FAM234A: variants seen among roughly 807,000 people sequenced by gnomAD.
FAM234A encodes the protein protein FAM234A.
Under a neutral mutation model 49.1 loss-of-function variants are expected in FAM234A, and 42 were observed. The ratio of observed to expected loss-of-function variants is 0.86; its 90% CI spans 0.67 to 1.11. The LOEUF (loss-of-function observed/expected upper bound fraction) is 1.11. FAM234A is among the 50% of genes least tolerant of loss of function. FAM234A has a pLI of 0.00. For synonymous variants in FAM234A, 369 were observed against 316.2 expected (o/e 1.17, Z -1.77); for missense variants, 815 against 745.2 (o/e 1.09, Z -1.09).
downstream of FAM234A, chr16:268,792 A>G (rs2051785939): frequency 1.9e-6 from 3 of 1,550,150 alleles, no homozygotes; most frequent in Non-Finnish European, 2.6e-6. Flanking sequence ...ACTGGGCGAC[A>G]GCGGAGAGGC....
At chr16:267,127 C>T (rs528410045), downstream of FAM234A, among the ~76,000 whole-genome samples, 1 of 152,108 alleles carries the variant, frequency 6.6e-6, no homozygotes, top group African/African-American at 2.4e-5. Context: ...CACTGCGGGC[C>T]CTAGAGAGTC....
downstream of FAM234A, among the ~76,000 whole-genome samples, chr16:266,362 C>T (rs371565984): frequency 5.3e-5 from 8 of 152,328 alleles, no homozygotes; most frequent in South Asian, 4.1e-4. Flanking sequence ...CCCATGCAAG[C>T]GGGTGTGCTC....
intron 5 of FAM234A, 46 bp downstream of exon 5, chr16:260,206 G>C: frequency 2.6e-6 from 4 of 1,565,096 alleles, no homozygotes; most frequent in Non-Finnish European, 3.5e-6. Flanking sequence ...CCTCTCACCT[G>C]AGCCACCTCA....
rs1469223123 is a variant in FAM234A at position 263,692 on chromosome 16, T to C, written c.1113-8T>C. ...CCCCTCGTGAGCGCTTCCTCCATAT[T>C]GTTCCAGAAAACCCATCTTCGGCCG... On this transcript the variant is annotated splice_region_variant and splice_polypyrimidine_tract_variant and intron_variant, in intron 9 of 12. Transcript: ENST00000399932. 7 of 1,611,736 alleles carry C rather than the reference T, an allele frequency of 4.3e-6. No homozygotes were observed. Among genetic ancestry groups the C allele is most frequent in the Non-Finnish European group, 5.9e-6 (7 of 1,177,882 alleles).
At chr16:244,318 A>G (rs2050727407) in intron 1 of FAM234A, among the ~76,000 whole-genome samples, 1 of 152,304 alleles carries the variant, frequency 6.6e-6, no homozygotes, top group East Asian at 1.9e-4. Context: ...TTATTTTGTA[A>G]TGGAGAATTG....
At chr16:269,048 C>G (rs1285829850), downstream of FAM234A, 1 of 1,145,302 alleles carries the variant, frequency 8.7e-7, no homozygotes, top group Non-Finnish European at 1.3e-6. Flanking sequence ...AATGAACCCC[C>G]TCCCTGGGAA....
chr16:243,802 T>A (rs1424426017), intron 1 of FAM234A, among the ~76,000 whole-genome samples: 1 of 152,146 alleles, frequency 6.6e-6, no homozygotes, highest in Non-Finnish European at 1.5e-5. Flanking sequence ...GTGCAGAGGC[T>A]GTATAGCAGT....
At chr16:264,370 C>T (rs2051608668) in intron 11 of FAM234A, among the ~76,000 whole-genome samples, 199 bp downstream of exon 11, 1 of 152,208 alleles carries the variant, frequency 6.6e-6, no homozygotes, top group African/African-American at 2.4e-5. Context: ...GGGCTGATGG[C>T]CTTCGGTGGA....
Position 262,548 on chromosome 16 carries a change from C to A in FAM234A, c.966C>A (p.Ser322=), listed in dbSNP as rs1204120188. ...MLNATTRRML[S]HSSGAVRYLM... ...ATGCCACCACCCGCAGGATGCTTTC[C>A]CACAGGTGGGTCCGGGCCGCAGCCT... Residue 322 remains serine (S), a synonymous_variant, in exon 8 of 13, where the codon TCC becomes TCA. Transcript: ENST00000399932. 1 of 1,602,906 alleles carries A rather than the reference C, an allele frequency of 6.2e-7. No homozygotes were observed. The highest frequency in any genetic ancestry group is 1.1e-5 in the South Asian group (1 of 89,900).
intron 2 of FAM234A, among the ~76,000 whole-genome samples, chr16:253,088 C>T (rs1054312957): frequency 2.6e-5 from 4 of 152,318 alleles, no homozygotes; most frequent in East Asian, 3.9e-4. Flanking sequence ...TTTATACAGT[C>T]GAAGCAGCTC....
At chr16:235,505 A>G (rs2050368416) in intron 1 of FAM234A, among the ~76,000 whole-genome samples, 1 of 152,152 alleles carries the variant, frequency 6.6e-6, no homozygotes, top group Non-Finnish European at 1.5e-5. Flanking sequence ...GAGAGTTGTC[A>G]AGGAGAGAGT....
rs1186807632 is a variant in FAM234A, at chr16:249,833, C to T, written c.-34+179C>T. ...GAATTTCTTGGCTGCAATTTTAAAGCTCTTAAGTTTAAAGCCGTAAAGATA... is the reference window on the plus strand; with the variant it reads ...GAATTTCTTGGCTGCAATTTTAAAGTTCTTAAGTTTAAAGCCGTAAAGATA... On this transcript the variant is annotated intron_variant, in intron 2 of 12. Coordinates refer to ENST00000399932, the MANE Select transcript of FAM234A (RefSeq NM_032039.4). 2.6e-5 allele frequency among the ~76,000 whole-genome samples: 4 copies of T among 152,064 alleles called. No individual in the cohort carries two copies. In the East Asian group the frequency reaches 5.8e-4, roughly 22 times the overall value.
intron 1 of FAM234A, among the ~76,000 whole-genome samples, chr16:248,057 T>C (rs1287045449): frequency 6.6e-6 from 1 of 152,070 alleles, no homozygotes; most frequent in African/African-American, 2.4e-5. Context: ...GGGCTTTGCC[T>C]TCTGAAGCCT....
In FAM234A at chr16:265,890, C is replaced by G. The variant is rs1200050756; in HGVS notation, c.*868C>G. On this transcript the variant is annotated 3_prime_UTR_variant, in exon 13 of 13. Coordinates refer to ENST00000399932, the MANE Select transcript of FAM234A (RefSeq NM_032039.4). Reference sequence around the variant, plus strand: ...GGCATGGCAAGCGCCTGCCTCTCCCCTTCCGGTGCTCACACGCCCACGCCG... The same window carrying G: ...GGCATGGCAAGCGCCTGCCTCTCCCGTTCCGGTGCTCACACGCCCACGCCG... 2 of 986,346 alleles carry G rather than the reference C, an allele frequency of 2.0e-6. No individual in the cohort carries two copies. The highest frequency in any genetic ancestry group is 2.3e-4 in the East Asian group (2 of 8,832). The allele number at this position is 986,346 out of a possible 1,614,324, so 61.1% of individuals were successfully genotyped here.
At chr16:266,657 A>G (rs2051701601), downstream of FAM234A, among the ~76,000 whole-genome samples, 1 of 152,178 alleles carries the variant, frequency 6.6e-6, no homozygotes, top group Non-Finnish European at 1.5e-5. Flanking sequence ...TGCTCCTTCC[A>G]AGGCGTGGTA....
chr16:254,300 C>T (rs2051139009), intron 2 of FAM234A, 81 bp from the exon 3 acceptor site: 5 of 1,201,172 alleles, frequency 4.2e-6, no homozygotes, highest in African/African-American at 1.5e-5. Flanking sequence ...CCCAAGAAGC[C>T]GACGCCAGCA....
At position 237,078 on chromosome 16, in the gene FAM234A, TAA is replaced by T. The variant is rs199754290; in HGVS notation, c.-140+2227_-140+2228del. The stretch of plus-strand genomic sequence containing the variant: ...CTGTTTATTTATTTATGTATTTTTT[TAA>T]AAAAATATGTAGATGGGTTCTCACT... On this transcript the variant is annotated intron_variant, in intron 1 of 12. Coordinates refer to ENST00000399932, the MANE Select transcript of FAM234A (RefSeq NM_032039.4). Among the ~76,000 whole-genome samples, 886 of 151,468 alleles carry T rather than the reference TAA, an allele frequency of 5.8e-3. 6 individuals carry two copies. Among genetic ancestry groups the T allele is most frequent in the African/African-American group, 0.019 (774 of 41,284 alleles).
intron 3 of FAM234A, among the ~76,000 whole-genome samples, chr16:257,969 T>G (rs2051302881): frequency 6.6e-6 from 1 of 152,104 alleles, no homozygotes; most frequent in Non-Finnish European, 1.5e-5. Flanking sequence ...GCGATTCTCC[T>G]GCCTTAGCCT....
At chr16:264,321 A>T in intron 11 of FAM234A, 150 bp downstream of exon 11, 2 of 929,772 alleles carry the variant, frequency 2.2e-6, no homozygotes, top group Non-Finnish European at 3.2e-6. Context: ...AGGTGGTGCA[A>T]GCTGAGGCAA....
Sources: gnomAD v4.1 joint callset for allele counts (sites outside exome capture counted in the v4.1 genomes callset) on GRCh38, gnomAD v4.1.1 for gene constraint, MANE v1.5 for transcripts, NCBI Gene and HGNC (gene_info 2026-07-23, HGNC 2026-07-21) for gene names.